Variants in ASTN2 observed in about 807,000 individuals in gnomAD.
The protein encoded by ASTN2 is astrotactin 2, also known as astrotactin-2.
ASTN2 carries 54 observed loss-of-function variants against 139.8 expected under a neutral mutation model. That is an observed-to-expected ratio of 0.39 (90% CI 0.31 to 0.48). The LOEUF (loss-of-function observed/expected upper bound fraction) is 0.48, where lower values mean the gene tolerates loss of function less well. ASTN2 is among the 20% of genes least tolerant of loss of function. The probability of loss-of-function intolerance (pLI) is 0.95; values close to 1 mark genes in which losing one functional copy is unlikely to be tolerated. For missense variants in ASTN2, 1,565 were observed against 1,725.1 expected, an observed-to-expected ratio of 0.91 and a Z score of 1.64; for synonymous variants, 756 against 719.5, an observed-to-expected ratio of 1.05 and a Z score of -0.81.
Position 117,095,495 on chromosome 9 carries a change from T to C in ASTN2, c.1276+549A>G, listed in dbSNP as rs576889988. ...CTGCCTAGAAAGGCACACGGTATCT[T>C]ATTTATACATACCAAGTTGAGGACT... On this transcript the variant is annotated intron_variant, in intron 5 of 22. Transcript: ENST00000313400. Among the ~76,000 whole-genome samples, 60 of 152,356 alleles carry C rather than the reference T, an allele frequency of 3.9e-4. No homozygotes were observed. The South Asian group carries it at 0.012, about 31-fold the overall frequency.
intron 10 of ASTN2, among the ~76,000 whole-genome samples, chr9:116,867,062 GAGAC>G (rs1026495858): frequency 1.4e-4 from 22 of 152,204 alleles, no homozygotes; most frequent in African/African-American, 4.8e-4. Flanking sequence ...GACAGACAGA[GAGAC>G]AGAGAGTTAT....
intron 18 of ASTN2, among the ~76,000 whole-genome samples, chr9:116,619,779 C>T (rs1275864703): frequency 1.3e-4 from 19 of 150,672 alleles, no homozygotes; most frequent in Admixed American, 1.3e-3. Flanking sequence ...GATCCTCCCA[C>T]CTCACCTCCT....
chr9:116,632,170 G>A (rs1015459404), intron 17 of ASTN2, among the ~76,000 whole-genome samples: 13 of 35,166 alleles, frequency 3.7e-4, no homozygotes, highest in African/African-American at 1.5e-3. Flanking sequence ...GAGAGAGAGA[G>A]AGAGAGAGAG....
chr9:117,138,432 G>A (rs908716587), intron 4 of ASTN2, among the ~76,000 whole-genome samples: 2 of 152,200 alleles, frequency 1.3e-5, no homozygotes, highest in African/African-American at 4.8e-5. Context: ...AAACGTGAAG[G>A]AAGCCAGTTT....
At chr9:116,509,307 C>G (rs1294790049) in intron 19 of ASTN2, among the ~76,000 whole-genome samples, 1 of 152,110 alleles carries the variant, frequency 6.6e-6, no homozygotes, top group Non-Finnish European at 1.5e-5. Flanking sequence ...TGGTTTATAG[C>G]TTCATCCATG....
At chr9:116,942,106 ACACACACAC>A (rs1835256020) in intron 10 of ASTN2, among the ~76,000 whole-genome samples, 11 of 140,346 alleles carry the variant, frequency 7.8e-5, no homozygotes, top group Non-Finnish European at 1.4e-4. Context: ...ACACACACAC[ACACACACAC>A]CACACACACA....
intron 13 of ASTN2, among the ~76,000 whole-genome samples, chr9:116,739,263 A>G (rs1228391341): frequency 1.3e-5 from 2 of 152,296 alleles, no homozygotes; most frequent in Non-Finnish European, 2.9e-5. Flanking sequence ...AGATGCCTCC[A>G]TTCATGAAGA....
intron 6 of ASTN2, 111 bp from the exon 7 acceptor site, chr9:117,008,370 C>T: frequency 1.0e-6 from 1 of 1,003,612 alleles, no homozygotes; most frequent in Non-Finnish European, 1.4e-6. Context: ...CATCTGATCT[C>T]ATTTGTCTAA....
chr9:116,699,502 GTGA>G lies in ASTN2; in HGVS notation c.2806+26266_2806+26268del, dbSNP rs762110851. Reference sequence around the variant, plus strand: ...GCTGGCATGTGTGTGGATGCTCGTGGTGATCTCATCGTGGCTGACAGTAGTCGC... The same window carrying G: ...GCTGGCATGTGTGTGGATGCTCGTGGTCTCATCGTGGCTGACAGTAGTCGC... On this transcript the variant is annotated intron_variant, in intron 16 of 22. Transcript: ENST00000313400. The surrounding 1 kb of genome is among the most constrained non-coding windows in gnomAD (Gnocchi z 4.2). 2 of 1,614,076 alleles carry G rather than the reference GTGA, an allele frequency of 1.2e-6. No homozygotes were observed. The highest frequency in any genetic ancestry group is 1.7e-6 in the Non-Finnish European group (2 of 1,180,052).
At position 117,214,443 on chromosome 9, in the gene ASTN2, G is replaced by A. The variant is rs750217184; in HGVS notation, c.930C>T (p.Arg310=). ...EPPRRANHVS[R]EDEFGSQVTH... ...TCACCTGGCTGCCAAACTCGTCCTC[G>A]CGGGAGACATGGTTGGCCCGCCTAG... Residue 310 remains arginine (R), a synonymous_variant, in exon 3 of 23, where the codon CGC becomes CGT. Coordinates refer to ENST00000313400, the MANE Select transcript of ASTN2 (RefSeq NM_001365068.1). The A allele has an allele frequency of 3.1e-6, 5 of 1,614,074 alleles. No homozygotes were observed. The highest frequency in any genetic ancestry group is 2.2e-5 in the East Asian group (1 of 44,864).
chr9:117,141,461 G>A lies in ASTN2; in HGVS notation c.1033C>T (p.Gln345Ter), dbSNP rs963564103. Reference sequence around the variant, plus strand: ...TGCATCAGGGACTCCACTGTCTCCTGAGTCGCCTCAGCTGCTGCTATAAGG... The same window carrying A: ...TGCATCAGGGACTCCACTGTCTCCTAAGTCGCCTCAGCTGCTGCTATAAGG... Reference protein sequence around the residue: ...FEKKAAAEATQETVESLMQKF... With the variant: ...FEKKAAAEAT The change falls in exon 4 of 23, where the codon CAG becomes TAG. Residue 345 changes from glutamine to a stop codon, truncating the protein, a stop_gained. Coordinates refer to ENST00000313400, the MANE Select transcript of ASTN2 (RefSeq NM_001365068.1). LOFTEE classifies it high-confidence loss of function. The A allele has an allele frequency of 7.3e-7, 1 of 1,367,156 alleles. No homozygotes were observed. The highest frequency in any genetic ancestry group is 1.5e-5 in the African/African-American group (1 of 67,752). The allele number at this position is 1,367,156 out of a possible 1,614,324, so 84.7% of individuals were successfully genotyped here. A position where few individuals can be genotyped will look rare whatever the true frequency, so the allele number is the denominator to read the frequency against.
At chr9:116,649,471 G>A (rs1857783228) in intron 17 of ASTN2, among the ~76,000 whole-genome samples, 1 of 151,766 alleles carries the variant, frequency 6.6e-6, no homozygotes, top group South Asian at 2.1e-4. Context: ...CTACTCCGGA[G>A]GCTGAGGCAG....
At position 116,980,787 on chromosome 9, in the gene ASTN2, A is replaced by G. The variant is rs150168980; in HGVS notation, c.1592-4002T>C. Among the ~76,000 whole-genome samples, 99 of 152,180 alleles carry G rather than the reference A, an allele frequency of 6.5e-4. 1 individual carries two copies. The highest frequency in any genetic ancestry group is 5.8e-3 in the East Asian group (30 of 5,172). ...TTGCTGGCTCAGCTAAATCTCCACT[A>G]TTTGCAACCAGGCATTTCCTTCTTG... On this transcript the variant is annotated intron_variant, in intron 7 of 22. Coordinates refer to ENST00000313400, the MANE Select transcript of ASTN2 (RefSeq NM_001365068.1).
At chr9:116,641,905 C>G (rs548936903) in intron 17 of ASTN2, among the ~76,000 whole-genome samples, 1 of 152,072 alleles carries the variant, frequency 6.6e-6, no homozygotes, top group South Asian at 2.1e-4. Context: ...GGCCGGTTCA[C>G]CTCCTTCTCA....
chr9:117,096,768 C>T (rs55982158), intron 4 of ASTN2, among the ~76,000 whole-genome samples: 171 of 152,204 alleles, frequency 1.1e-3, no homozygotes, highest in African/African-American at 3.5e-3. Flanking sequence ...CATTTCAACA[C>T]GGAGGGCCTG....
At chr9:117,408,323 G>A (rs1564189303) in intron 1 of ASTN2, among the ~76,000 whole-genome samples, 1 of 152,108 alleles carries the variant, frequency 6.6e-6, no homozygotes, top group Non-Finnish European at 1.5e-5. Context: ...CTGTAGGGTA[G>A]GTTTCTTCCC....
chr9:117,305,751 C>A (rs555617201), intron 1 of ASTN2, among the ~76,000 whole-genome samples: 1 of 152,292 alleles, frequency 6.6e-6, no homozygotes, highest in Non-Finnish European at 1.5e-5. Flanking sequence ...TTACTCTGTG[C>A]GAGTCTCTGT....
intron 22 of ASTN2, among the ~76,000 whole-genome samples, chr9:116,438,231 T>C (rs1307330341): frequency 6.6e-6 from 1 of 152,240 alleles, no homozygotes; most frequent in African/African-American, 2.4e-5. Flanking sequence ...AGAGCCTCAC[T>C]GCCGCTTTCT....
chr9:116,924,260 A>C (rs1588415104), intron 10 of ASTN2, among the ~76,000 whole-genome samples: 1 of 147,758 alleles, frequency 6.8e-6, no homozygotes, highest in South Asian at 2.2e-4. Context: ...AATATAAAAA[A>C]AAAAAAAAAA....
Sources: gnomAD v4.1 joint callset for allele counts (sites outside exome capture counted in the v4.1 genomes callset) on GRCh38, gnomAD v4.1.1 for gene constraint, Gnocchi (gnomAD v3.1) non-coding constraint, MANE v1.5 for transcripts, NCBI Gene and HGNC (gene_info 2026-07-23, HGNC 2026-07-21) for gene names.